Variants in MBD5 observed in about 807,000 individuals in gnomAD.
The protein encoded by MBD5 is methyl-CpG-binding domain protein 5.
Under a neutral mutation model 117.3 loss-of-function variants are expected in MBD5, and 13 were observed. The observed-to-expected ratio is 0.11, with a 90% CI of 0.07 to 0.18. The LOEUF (loss-of-function observed/expected upper bound fraction) is 0.18, where lower values mean the gene tolerates loss of function less well. Ranked by LOEUF, MBD5 falls within the 10% of genes least tolerant of loss-of-function variation. The pLI is 1.00. For missense variants in MBD5, 1,879 were observed against 2,093.8 expected (o/e 0.90, Z 2.00); for synonymous variants, 727 against 766.4 (o/e 0.95, Z 0.85).
chr2:148,324,182 G>T (rs1213091078), intron 3 of MBD5, among the ~76,000 whole-genome samples: 1 of 151,992 alleles, frequency 6.6e-6, no homozygotes, highest in Non-Finnish European at 1.5e-5. Context: ...TGAGGGCTCT[G>T]TTCTGTTCCA....
chr2:148,149,074 T>A (rs1697558445), intron 1 of MBD5, among the ~76,000 whole-genome samples: 1 of 151,572 alleles, frequency 6.6e-6, no homozygotes, highest in Non-Finnish European at 1.5e-5. Flanking sequence ...TATCTCCCAA[T>A]GCTATCCCTC....
intron 1 of MBD5, among the ~76,000 whole-genome samples, chr2:148,163,615 A>G (rs1431150830): frequency 6.6e-6 from 1 of 152,134 alleles, no homozygotes; most frequent in Non-Finnish European, 1.5e-5. Context: ...GGGTTTCTCC[A>G]TGTTGGTCAG....
rs1339325573 is a variant in MBD5 at position 148,385,333 on chromosome 2, C to T, written c.-557+42997C>T. ...CAGACATTTCTCAAAAGAAGACATT[C>T]ATGCAGCCAAAAGACACATGAAAAA... On this transcript the variant is annotated intron_variant, in intron 4 of 13. Transcript: ENST00000642680. Among the ~76,000 whole-genome samples the T allele has an allele frequency of 2.6e-5, 4 of 152,166 alleles. No homozygotes were observed. In the South Asian group the frequency reaches 8.3e-4, roughly 31 times the overall value.
chr2:148,512,962 C>T lies in MBD5; in HGVS notation c.*21C>T, dbSNP rs748197238. 37 of 1,601,258 alleles carry T rather than the reference C, an allele frequency of 2.3e-5. No homozygotes were observed. Among genetic ancestry groups the T allele is most frequent in the East Asian group, 2.2e-5 (1 of 44,804 alleles). ...GATAACAGAGACTACTCCACTAATG[C>T]GCAGTGTTTATTAAAGGAACATGCA... is the stretch of plus-strand genomic sequence containing the variant. On this transcript the variant is annotated 3_prime_UTR_variant, in exon 14 of 14. Transcript: ENST00000642680.
intron 4 of MBD5, among the ~76,000 whole-genome samples, chr2:148,414,787 G>A (rs1048445030): frequency 6.6e-6 from 1 of 152,060 alleles, no homozygotes; most frequent in Admixed American, 6.6e-5. Context: ...AGCAACCTCT[G>A]CTTTTTTCTG....
chr2:148,032,511 G>C (rs959974963), intron 1 of MBD5, among the ~76,000 whole-genome samples: 1 of 152,100 alleles, frequency 6.6e-6, no homozygotes, highest in African/African-American at 2.4e-5. Flanking sequence ...GAGGTTCTGA[G>C]GTGGGAGGAA....
At chr2:148,329,273 A>G (rs1380425413) in intron 3 of MBD5, among the ~76,000 whole-genome samples, 1 of 152,352 alleles carries the variant, frequency 6.6e-6, no homozygotes, top group Non-Finnish European at 1.5e-5. Context: ...TTAGCCAGAA[A>G]GAAAAGAAGT....
At chr2:148,449,473 T>C (rs564740936) in intron 4 of MBD5, among the ~76,000 whole-genome samples, 1 of 151,970 alleles carries the variant, frequency 6.6e-6, no homozygotes, top group East Asian at 1.9e-4. Flanking sequence ...ACTTGGAAAG[T>C]TAAGTAAAGA....
intron 2 of MBD5, among the ~76,000 whole-genome samples, chr2:148,213,738 A>G (rs946696189): frequency 6.6e-6 from 1 of 152,178 alleles, no homozygotes; most frequent in Non-Finnish European, 1.5e-5. Flanking sequence ...CCTTTTAACT[A>G]CATAAATACA....
intron 2 of MBD5, among the ~76,000 whole-genome samples, chr2:148,198,934 A>G (rs1699064127): frequency 7.1e-6 from 1 of 141,504 alleles, no homozygotes; most frequent in Non-Finnish European, 1.6e-5. Flanking sequence ...ATATGTATGT[A>G]TGTGTATATG....
intron 4 of MBD5, among the ~76,000 whole-genome samples, chr2:148,450,646 A>C (rs1436268949): frequency 1.3e-5 from 2 of 152,284 alleles, no homozygotes; most frequent in East Asian, 3.9e-4. Context: ...GAAAGTTATA[A>C]GGCCTTTTGA....
intron 3 of MBD5, among the ~76,000 whole-genome samples, chr2:148,332,121 T>C (rs773051521): frequency 1.2e-4 from 18 of 152,148 alleles, no homozygotes; most frequent in Non-Finnish European, 2.1e-4. Context: ...TGATTTTTTT[T>C]CAATTTCACA....
At chr2:148,480,070 GTTCTA>G (rs1343151772) in intron 8 of MBD5, among the ~76,000 whole-genome samples, 1 of 151,620 alleles carries the variant, frequency 6.6e-6, no homozygotes, top group African/African-American at 2.4e-5. Flanking sequence ...TATTTTCATG[GTTCTA>G]TTCTATTGTC....
chr2:148,372,802 A>G (rs1244789734), intron 4 of MBD5, among the ~76,000 whole-genome samples: 1 of 152,110 alleles, frequency 6.6e-6, no homozygotes, highest in African/African-American at 2.4e-5. Context: ...GAAGTGTTTG[A>G]TAGCTAAATA....
chr2:148,352,906 G>A (rs975027823), intron 4 of MBD5, among the ~76,000 whole-genome samples: 2 of 152,042 alleles, frequency 1.3e-5, no homozygotes, highest in Non-Finnish European at 2.9e-5. Context: ...ATAATAGCAT[G>A]TAAAATTTTA....
At chr2:148,059,023 T>C (rs552097912) in intron 1 of MBD5, among the ~76,000 whole-genome samples, 5 of 152,210 alleles carry the variant, frequency 3.3e-5, no homozygotes, top group Non-Finnish European at 7.4e-5. Flanking sequence ...ATAGTTTTTT[T>C]TACAATAACT....
intron 1 of MBD5, chr2:148,025,704 T>A (rs1260908970): frequency 6.6e-6 from 1 of 152,176 alleles, no homozygotes; most frequent in Admixed American, 6.5e-5. Flanking sequence ...CTACCAAATT[T>A]TAGCAAATCT....
chr2:148,369,968 A>T (rs551201311), intron 4 of MBD5, among the ~76,000 whole-genome samples: 31 of 152,234 alleles, frequency 2.0e-4, no homozygotes, highest in African/African-American at 7.5e-4. Flanking sequence ...CCTACCATAC[A>T]TTTACTCATT....
At chr2:148,506,438 C>G (rs1431083825) in intron 12 of MBD5, among the ~76,000 whole-genome samples, 1 of 152,168 alleles carries the variant, frequency 6.6e-6, no homozygotes, top group African/African-American at 2.4e-5. Flanking sequence ...ATGATACTTA[C>G]CATGTTAAAT....
Sources: gnomAD v4.1 joint callset for allele counts (sites outside exome capture counted in the v4.1 genomes callset) on GRCh38, gnomAD v4.1.1 for gene constraint, MANE v1.5 for transcripts, NCBI Gene and HGNC (gene_info 2026-07-23, HGNC 2026-07-21) for gene names.